ACTR5: variants seen among roughly 807,000 people sequenced by gnomAD.
The protein encoded by ACTR5 is actin related protein 5.
ACTR5 carries 43 observed loss-of-function variants against 61.2 expected under a neutral mutation model. That is an observed-to-expected ratio of 0.70 (90% CI 0.55 to 0.91). The LOEUF (loss-of-function observed/expected upper bound fraction) is 0.91. ACTR5 is among the 40% of genes least tolerant of loss of function. The pLI is 0.00. For missense variants in ACTR5, 798 were observed against 782.2 expected, an observed-to-expected ratio of 1.02 and a Z score of -0.24; for synonymous variants, 333 against 310.5, an observed-to-expected ratio of 1.07 and a Z score of -0.76.
chr20:38,759,754 T>A (rs79706386), intron 5 of ACTR5, among the ~76,000 whole-genome samples: 3 of 152,014 alleles, frequency 2.0e-5, no homozygotes, highest in Non-Finnish European at 4.4e-5. Flanking sequence ...AAACAAAAAA[T>A]GAGGGCTATA....
chr20:38,754,418 T>A (rs1293759602), intron 3 of ACTR5, among the ~76,000 whole-genome samples: 3 of 151,670 alleles, frequency 2.0e-5, no homozygotes, highest in African/African-American at 7.3e-5. Context: ...GTACTGACTT[T>A]AAAAAAAACA....
chr20:38,748,786 C>T lies in ACTR5; in HGVS notation c.308C>T (p.Pro103Leu), dbSNP rs766139317. 6.2e-7 allele frequency: 1 copy of T among 1,609,052 alleles called. No homozygotes were observed. Among genetic ancestry groups the T allele is most frequent in the South Asian group, 1.1e-5 (1 of 90,590 alleles). ...CGCTCGCCCTTCGACCGCAACGTGC[C>T]GGTCAACCTGGAGCTTCAGGAGTTG... ...MLRSPFDRNV[P>L]VNLELQELLL... The change falls in exon 1 of 9, where the codon CCG becomes CTG. Residue 103 changes from proline to leucine, a missense_variant. Physicochemically the swap from Pro to Leu is moderately conservative, Grantham distance 98. Coordinates refer to ENST00000243903, the MANE Select transcript of ACTR5 (RefSeq NM_024855.4).
intron 8 of ACTR5, among the ~76,000 whole-genome samples, chr20:38,769,243 G>C (rs911423310): frequency 6.6e-6 from 1 of 152,188 alleles, no homozygotes; most frequent in African/African-American, 2.4e-5. Context: ...ACTTCCTCCA[G>C]GAAGCCTTCC....
intron 8 of ACTR5, among the ~76,000 whole-genome samples, chr20:38,767,958 G>A (rs756951111): frequency 1.3e-5 from 2 of 152,202 alleles, no homozygotes; most frequent in Non-Finnish European, 2.9e-5. Flanking sequence ...CCAGAAGCTT[G>A]TTGAGGGAGT....
rs372519020 is a variant in ACTR5 at position 38,767,555 on chromosome 20, A to T, written c.1525A>T (p.Lys509Ter). 12 of 1,613,978 alleles carry T rather than the reference A, an allele frequency of 7.4e-6. No homozygotes were observed. The highest frequency in any genetic ancestry group is 1.0e-5 in the Non-Finnish European group (12 of 1,179,990). ...TCCTGGCATGAAAGCCAGAATGGAG[A>T]AGGAACTGTTGGAGATGAGACCCTT... ...MYPGMKARME[K>*]ELLEMRPFRS... The change falls in exon 8 of 9, where the codon AAG becomes TAG. Residue 509 changes from lysine to a stop codon, truncating the protein, a stop_gained. Coordinates refer to ENST00000243903, the MANE Select transcript of ACTR5 (RefSeq NM_024855.4). LOFTEE classifies it high-confidence loss of function.
rs116826098 is a variant in ACTR5 at position 38,761,344 on chromosome 20, G to A, written c.1177-4058G>A. On this transcript the variant is annotated intron_variant, in intron 5 of 8. Coordinates refer to ENST00000243903, the MANE Select transcript of ACTR5 (RefSeq NM_024855.4). ...GGGGAGGAAGAAAAGAAAAATTCCT[G>A]GAGAATGCCACCACTTGAAAGTTAG... is the stretch of plus-strand genomic sequence containing the variant. Among the ~76,000 whole-genome samples, 495 of 152,280 alleles carry A rather than the reference G, an allele frequency of 3.3e-3. 2 individuals are homozygous for A. The highest frequency in any genetic ancestry group is 0.011 in the African/African-American group (468 of 41,552).
In ACTR5 at chr20:38,765,503, G is replaced by C. The variant is rs900729927; in HGVS notation, c.1278G>C (p.Pro426=). 1 of 1,613,626 alleles carries C rather than the reference G, an allele frequency of 6.2e-7. No individual in the cohort carries two copies. The highest frequency in any genetic ancestry group is 8.5e-7 in the Non-Finnish European group (1 of 1,179,700). ...AGGAAACACCTGGAGTGGAGAAGCC[G>C]GTCACCACTGTTCAGGTTTGACTTC... ...FSEETPGVEK[P]VTTVQPVFNL... is the part of the protein sequence containing the mutation. The change falls in exon 6 of 9, where the codon CCG becomes CCC. Residue 426 remains proline, a synonymous_variant. Transcript: ENST00000243903.
chr20:38,749,037 A>G (rs762004339), intron 1 of ACTR5, among the ~76,000 whole-genome samples, 184 bp downstream of exon 1: 10 of 152,208 alleles, frequency 6.6e-5, no homozygotes, highest in Non-Finnish European at 1.5e-4. Flanking sequence ...ATCTTGGAGC[A>G]TACCTTTGGG....
At position 38,748,778 on chromosome 20, in the gene ACTR5, C is replaced by G. The variant is rs1407511459; in HGVS notation, c.300C>G (p.Arg100=). 6.2e-7 allele frequency: 1 copy of G among 1,608,048 alleles called. No individual in the cohort carries two copies. Among genetic ancestry groups the G allele is most frequent in the Non-Finnish European group, 8.5e-7 (1 of 1,178,638 alleles). The change falls in exon 1 of 9, where the codon CGC becomes CGG. Residue 100 remains arginine (R), a synonymous_variant. Transcript: ENST00000243903. ...GGATGCTGCGCTCGCCCTTCGACCG[C>G]AACGTGCCGGTCAACCTGGAGCTTC... ...LRWMLRSPFD[R]NVPVNLELQE...
intron 5 of ACTR5, among the ~76,000 whole-genome samples, chr20:38,763,162 A>G (rs1297926456): frequency 6.6e-6 from 1 of 152,138 alleles, no homozygotes; most frequent in Admixed American, 6.5e-5. Flanking sequence ...ACCTTCTGTT[A>G]TGTCACACTG....
chr20:38,748,818 G>T lies in ACTR5; in HGVS notation c.340G>T (p.Asp114Tyr), dbSNP rs201264725. 2 of 1,608,912 alleles carry T rather than the reference G, an allele frequency of 1.2e-6. No homozygotes were observed. Among genetic ancestry groups the T allele is most frequent in the South Asian group, 1.1e-5 (1 of 90,878 alleles). Residue 114 changes from aspartate (D) to tyrosine (Y), a missense_variant, in exon 1 of 9, where the codon GAC becomes TAC. Physicochemically the swap from Asp to Tyr is radical, Grantham distance 160. Transcript: ENST00000243903. ...VNLELQELLLDYSFQHLGVSS... is the reference protein window; with the variant it reads ...VNLELQELLLYYSFQHLGVSS... ...CCTGGAGCTTCAGGAGTTGCTGCTGGACTACAGCTTCCAGCACCTGGGTGT... is the reference window on the plus strand; with the variant it reads ...CCTGGAGCTTCAGGAGTTGCTGCTGTACTACAGCTTCCAGCACCTGGGTGT...
intron 6 of ACTR5, 41 bp downstream of exon 6, chr20:38,765,559 G>C (rs781201417): frequency 2.0e-6 from 3 of 1,532,704 alleles, no homozygotes; most frequent in Non-Finnish European, 2.7e-6. Context: ...TTCTTTGAAG[G>C]TGTTGACCTA....
Position 38,748,809 on chromosome 20 carries a change from T to C in ACTR5, c.331T>C (p.Leu111=), listed in dbSNP as rs777869619. ...NVPVNLELQE[L]LLDYSFQHLG... is the part of the protein sequence containing the mutation. ...GCCGGTCAACCTGGAGCTTCAGGAGTTGCTGCTGGACTACAGCTTCCAGCA... is the reference window on the plus strand; with the variant it reads ...GCCGGTCAACCTGGAGCTTCAGGAGCTGCTGCTGGACTACAGCTTCCAGCA... Residue 111 remains leucine (L), a synonymous_variant, in exon 1 of 9, where the codon TTG becomes CTG. Transcript: ENST00000243903. The C allele has an allele frequency of 8.1e-6, 13 of 1,608,598 alleles. No homozygotes were observed. The highest frequency in any genetic ancestry group is 1.1e-5 in the Non-Finnish European group (13 of 1,178,868).
In ACTR5 at chr20:38,771,747, C is replaced by T. The variant is rs1329541318; in HGVS notation, c.1755C>T (p.Arg585=). 3.7e-6 allele frequency: 6 copies of T among 1,614,186 alleles called. No homozygotes were observed. The highest frequency in any genetic ancestry group is 1.7e-5 in the Admixed American group (1 of 60,024). The change falls in exon 9 of 9, where the codon CGC becomes CGT. Residue 585 remains arginine, a synonymous_variant. Coordinates refer to ENST00000243903, the MANE Select transcript of ACTR5 (RefSeq NM_024855.4). Reference sequence around the variant, plus strand: ...TCCGCCTGCCGAAGCAGGCCTCCCGCTCCTCAGATGCCCAGGCATCCAGCA... The same window carrying T: ...TCCGCCTGCCGAAGCAGGCCTCCCGTTCCTCAGATGCCCAGGCATCCAGCA... ...VPIRLPKQAS[R]SSDAQASSKG...
chr20:38,769,319 GA>G lies in ACTR5; in HGVS notation c.1566+1727del, dbSNP rs1379807569. Among the ~76,000 whole-genome samples the G allele has an allele frequency of 9.2e-5, 14 of 152,266 alleles. No individual in the cohort carries two copies. In the East Asian group the frequency reaches 1.9e-3, roughly 21 times the overall value. On this transcript the variant is annotated intron_variant, in intron 8 of 8. Coordinates refer to ENST00000243903, the MANE Select transcript of ACTR5 (RefSeq NM_024855.4). ...AGGGAAGAGACAGCCACTGTCTTGT[GA>G]AAAGTGTCCCAAGCCCTTGGCACAG...
Position 38,748,487 on chromosome 20 carries a change from G to A in ACTR5, c.9G>A (p.Ala3=), listed in dbSNP as rs1320420429. The A allele has an allele frequency of 3.8e-5, 56 of 1,487,734 alleles. No homozygotes were observed. The highest frequency in any genetic ancestry group is 5.9e-5 in the African/African-American group (4 of 68,328). The allele number at this position is 1,487,734 out of a possible 1,614,324, so 92.2% of individuals were successfully genotyped here. A position where few individuals can be genotyped will look rare whatever the true frequency, so the allele number is the denominator to read the frequency against. Residue 3 remains alanine (A), a synonymous_variant, in exon 1 of 9, where the codon GCG becomes GCA. Transcript: ENST00000243903. ...TGGACGCGCGCTCCAAGATGGCGGC[G>A]AACGTGTTCCCGTTCCGCGACGCCC... MA[A]NVFPFRDARA... is the part of the protein sequence containing the mutation.
chr20:38,763,544 C>T (rs1294115919), intron 5 of ACTR5, among the ~76,000 whole-genome samples: 8 of 152,198 alleles, frequency 5.3e-5, no homozygotes, highest in African/African-American at 1.4e-4. Flanking sequence ...CCTAAAGCCC[C>T]AATTGTCTTA....
chr20:38,766,015 A>G (rs1024689310), intron 6 of ACTR5, among the ~76,000 whole-genome samples: 8 of 152,168 alleles, frequency 5.3e-5, no homozygotes, highest in African/African-American at 1.7e-4. Context: ...TCTCCCTGCA[A>G]CTCGGGGACC....
intron 1 of ACTR5, among the ~76,000 whole-genome samples, chr20:38,749,127 G>A (rs1286103329): frequency 1.3e-5 from 2 of 152,162 alleles, no homozygotes; most frequent in East Asian, 3.8e-4. Context: ...CACTTTTTAG[G>A]CATTTGGAGT....
Sources: allele counts gnomAD v4.1 joint callset (sites outside exome capture counted in the v4.1 genomes callset), GRCh38; gene constraint gnomAD v4.1.1; transcripts MANE v1.5; gene names NCBI Gene and HGNC (gene_info 2026-07-23, HGNC 2026-07-21).